FREM2: variants seen among roughly 807,000 people sequenced by gnomAD.
The protein encoded by FREM2 is FRAS1-related extracellular matrix protein 2.
FREM2 carries 119 observed loss-of-function variants against 219.9 expected under a neutral mutation model. The observed-to-expected ratio is 0.54, with a 90% CI of 0.47 to 0.63. The LOEUF is 0.63. FREM2 is among the 30% of genes least tolerant of loss of function. The probability of loss-of-function intolerance (pLI) is 0.00; values close to 1 mark genes in which losing one functional copy is unlikely to be tolerated. For synonymous variants in FREM2, 1,562 were observed against 1,522.8 expected, an observed-to-expected ratio of 1.03 and a Z score of -0.60; for missense variants, 4,030 against 3,993.6, an observed-to-expected ratio of 1.01 and a Z score of -0.25.
At chr13:38,748,726 G>A (rs1305337596) in intron 2 of FREM2, among the ~76,000 whole-genome samples, 1 of 152,044 alleles carries the variant, frequency 6.6e-6, no homozygotes, top group Non-Finnish European at 1.5e-5. Context: ...AGTTAACATA[G>A]AGTGATTTTT....
Position 38,764,320 on chromosome 13 carries a change from G to T in FREM2, c.5280G>T (p.Thr1760=), listed in dbSNP as rs139030731. The T allele has an allele frequency of 1.9e-5, 30 of 1,611,726 alleles. No homozygotes were observed. The highest frequency in any genetic ancestry group is 2.4e-5 in the Non-Finnish European group (28 of 1,178,162). ...AVEDGGGNKL[T]YQNFRLNWAW... ...ATTTTCAAGGTGGAAACAAGTTAAC[G>T]TACCAGAATTTTCGTCTGAATTGGG... Residue 1760 remains threonine (T), a synonymous_variant, in exon 3 of 24, where the codon ACG becomes ACT. Coordinates refer to ENST00000280481, the MANE Select transcript of FREM2 (RefSeq NM_207361.6).
chr13:38,720,434 C>T (rs1307494207), intron 2 of FREM2, among the ~76,000 whole-genome samples: 2 of 152,108 alleles, frequency 1.3e-5, no homozygotes, highest in Non-Finnish European at 1.5e-5. Context: ...CTCACACATG[C>T]GCAGACAGAT....
chr13:38,762,666 C>T (rs1186152071), intron 2 of FREM2, among the ~76,000 whole-genome samples: 1 of 151,958 alleles, frequency 6.6e-6, no homozygotes, highest in Non-Finnish European at 1.5e-5. Flanking sequence ...CTTGAACTCC[C>T]GACCTCAGGT....
intron 11 of FREM2, among the ~76,000 whole-genome samples, chr13:38,852,679 T>G (rs950914712): frequency 6.6e-6 from 1 of 151,520 alleles, no homozygotes; most frequent in Non-Finnish European, 1.5e-5. Context: ...CCTCTCCTTT[T>G]GCAAATGTTG....
chr13:38,717,486 G>A (rs1481663799), intron 2 of FREM2, among the ~76,000 whole-genome samples: 3 of 126,706 alleles, frequency 2.4e-5, no homozygotes, highest in Non-Finnish European at 4.7e-5. Context: ...GCACAAACTC[G>A]GCTCACTGCA....
rs533426205 is a variant in FREM2 at position 38,848,467 on chromosome 13, C to T, written c.6176C>T (p.Thr2059Ile). ...TTTTTTGTTACTGTCATAGCTGGAA[C>T]AGACTATGTGGGCATCAGCCGTAAT... ...KTDPPSADAG[T>I]DYVGISRNLD... Residue 2059 changes from threonine to isoleucine, a missense_variant, in exon 8 of 24, where the codon ACA (threonine) becomes ATA (isoleucine). By Grantham distance (89) the Thr-to-Ile change is moderately conservative (BLOSUM62 -1). Coordinates refer to ENST00000280481, the MANE Select transcript of FREM2 (RefSeq NM_207361.6). 1 of 1,612,452 alleles carries T rather than the reference C, an allele frequency of 6.2e-7. No individual in the cohort carries two copies. Among genetic ancestry groups the T allele is most frequent in the Non-Finnish European group, 8.5e-7 (1 of 1,178,532 alleles).
In FREM2 at chr13:38,799,384, A is replaced by G. The variant is rs560974632; in HGVS notation, c.6019+14576A>G. On this transcript the variant is annotated intron_variant, in intron 6 of 23. Coordinates refer to ENST00000280481, the MANE Select transcript of FREM2 (RefSeq NM_207361.6). ...TGAGGCTTGTTTTGTGGCCTAACAT[A>G]TGGTCTATCCTGAAGAATGTTCCAT... Among the ~76,000 whole-genome samples, 129 of 152,162 alleles carry G rather than the reference A, an allele frequency of 8.5e-4. 1 individual carries two copies. The South Asian group carries it at 0.013, about 16-fold the overall frequency.
chr13:38,775,391 A>AT (rs1320283659), intron 4 of FREM2, among the ~76,000 whole-genome samples: 1 of 152,192 alleles, frequency 6.6e-6, no homozygotes, highest in Non-Finnish European at 1.5e-5. Context: ...GAGTCAAACC[A>AT]TTTTTTAAAA....
At chr13:38,800,084 G>A (rs540657999) in intron 6 of FREM2, among the ~76,000 whole-genome samples, 53 of 151,992 alleles carry the variant, frequency 3.5e-4, no homozygotes, top group African/African-American at 1.2e-3. Flanking sequence ...GTTGTGGTTT[G>A]GTGTTTTACT....
At chr13:38,791,876 G>A (rs900001739) in intron 6 of FREM2, among the ~76,000 whole-genome samples, 3 of 152,240 alleles carry the variant, frequency 2.0e-5, no homozygotes, top group Non-Finnish European at 2.9e-5. Flanking sequence ...AAAGTAAAGA[G>A]TGAGTGCACT....
chr13:38,708,162 G>C lies in FREM2; in HGVS notation c.5263+10375G>C, dbSNP rs1286405295. On this transcript the variant is annotated intron_variant, in intron 2 of 23. Transcript: ENST00000280481. Reference sequence around the variant, plus strand: ...ATTGACCCCCACTATAATATATGCTGTCCATGAGAGCCAGGATTTTTATCT... The same window carrying C: ...ATTGACCCCCACTATAATATATGCTCTCCATGAGAGCCAGGATTTTTATCT... 8.5e-5 allele frequency among the ~76,000 whole-genome samples: 13 copies of C among 152,276 alleles called. 1 individual carries two copies. In the East Asian group the frequency reaches 2.5e-3, roughly 29 times the overall value.
rs987225513 is a variant in FREM2 at position 38,687,264 on chromosome 13, C to T, written c.-81C>T. 24 of 1,538,350 alleles carry T rather than the reference C, an allele frequency of 1.6e-5. No homozygotes were observed. Among genetic ancestry groups the T allele is most frequent in the Admixed American group, 2.0e-5 (1 of 50,910 alleles). On this transcript the variant is annotated 5_prime_UTR_variant, in exon 1 of 24. Coordinates refer to ENST00000280481, the MANE Select transcript of FREM2 (RefSeq NM_207361.6). ...AACGCGCGGAGTTCCTGGCACTTCC[C>T]GGCGGTGTCTCTTGTTGTCTGCCCG...
At position 38,688,540 on chromosome 13, in the gene FREM2, C is replaced by G; in HGVS notation, c.1196C>G (p.Ser399Cys). The G allele has an allele frequency of 6.2e-7, 1 of 1,613,876 alleles. No individual in the cohort carries two copies. Among genetic ancestry groups the G allele is most frequent in the African/African-American group, 1.3e-5 (1 of 75,036 alleles). ...RLLKIAYQPP[S>C]EDSDQERLFE... The stretch of plus-strand genomic sequence containing the variant: ...CTGAAGATTGCCTACCAGCCCCCTT[C>G]TGAAGACTCTGACCAGGAGCGCCTC... The change falls in exon 1 of 24, where the codon TCT becomes TGT. Residue 399 changes from serine to cysteine, a missense_variant. By Grantham distance (112) the Ser-to-Cys change is moderately radical. Transcript: ENST00000280481.
intron 6 of FREM2, among the ~76,000 whole-genome samples, chr13:38,844,300 G>A (rs1013999942): frequency 6.6e-6 from 1 of 151,822 alleles, no homozygotes; most frequent in African/African-American, 2.4e-5. Flanking sequence ...TCTCTGTCTT[G>A]CTTACGTACA....
At chr13:38,860,274 G>C (rs1877713632) in intron 14 of FREM2, among the ~76,000 whole-genome samples, 1 of 152,078 alleles carries the variant, frequency 6.6e-6, no homozygotes, top group Admixed American at 6.6e-5. Flanking sequence ...TATTACAAGA[G>C]AGACTGTATT....
intron 7 of FREM2, 78 bp from the exon 8 acceptor site, chr13:38,848,383 C>A: frequency 1.0e-6 from 1 of 1,002,140 alleles, no homozygotes; most frequent in Non-Finnish European, 1.6e-6. Context: ...ATTATAAACA[C>A]AATTACATAA....
At chr13:38,775,242 A>G (rs369006798) in intron 4 of FREM2, among the ~76,000 whole-genome samples, 3 of 152,346 alleles carry the variant, frequency 2.0e-5, no homozygotes, top group African/African-American at 7.2e-5. Context: ...CAGTGTTGAC[A>G]TAAGGAGGTC....
At position 38,884,310 on chromosome 13, in the gene FREM2, T is replaced by C. The variant is rs1878655719; in HGVS notation, c.*3523T>C. The C allele has an allele frequency of 6.6e-6, 1 of 152,188 alleles. No homozygotes were observed. The highest frequency in any genetic ancestry group is 2.4e-5 in the African/African-American group (1 of 41,450). The allele number at this position is 152,188 out of a possible 1,614,324, so 9.4% of individuals were successfully genotyped here. On this transcript the variant is annotated 3_prime_UTR_variant, in exon 24 of 24. Transcript: ENST00000280481. ...AACATTAAAAATGTAAATGGACCTG[T>C]GTAAATATCACAGAGAGCTTTTCCT...
chr13:38,688,213 G>A lies in FREM2; in HGVS notation c.869G>A (p.Gly290Glu). The part of the protein sequence containing the change: ...IPMVVELRSR[G>E]APVGSPALKR... ...ATGGTGGTGGAGCTGCGTTCACGAG[G>A]GGCTCCTGTGGGCAGCCCTGCTTTG... The change falls in exon 1 of 24, where the codon GGG (glycine) becomes GAG (glutamate). Residue 290 changes from glycine to glutamate, a missense_variant. Around this residue, in one of 2 missense-constraint regions of FREM2, gnomAD observed 3,102 missense variants for 2,950.7 expected, o/e 1.05. Coordinates refer to ENST00000280481, the MANE Select transcript of FREM2 (RefSeq NM_207361.6). The A allele has an allele frequency of 6.2e-7, 1 of 1,613,116 alleles. No individual in the cohort carries two copies. The highest frequency in any genetic ancestry group is 1.7e-5 in the Admixed American group (1 of 60,020).
Sources: gnomAD v4.1 joint callset for allele counts (sites outside exome capture counted in the v4.1 genomes callset) on GRCh38, gnomAD v4.1.1 for gene constraint, gnomAD v4.1.1 regional missense constraint, MANE v1.5 for transcripts, NCBI Gene and HGNC (gene_info 2026-07-23, HGNC 2026-07-21) for gene names.